The following TRPM3 variants were observed in gnomAD, a reference collection of about 807,000 sequenced individuals.
TRPM3 encodes long transient receptor potential channel 3.
A neutral mutation model predicts 181.2 loss-of-function variants in TRPM3; 77 were observed. That is an observed-to-expected ratio of 0.42 (90% CI 0.35 to 0.51). TRPM3 has a LOEUF of 0.51. TRPM3 is among the 20% of genes least tolerant of loss of function. The pLI is 0.01. For missense variants in TRPM3, 1,759 were observed against 2,196.7 expected (o/e 0.80, Z 3.98); for synonymous variants, 745 against 796.4 (o/e 0.94, Z 1.09).
chr9:71,137,025 G>C lies in TRPM3; in HGVS notation c.184-272514C>G, dbSNP rs910629631. 2.6e-5 allele frequency among the ~76,000 whole-genome samples: 4 copies of C among 152,154 alleles called. No individual in the cohort carries two copies. In the South Asian group the frequency reaches 8.3e-4, roughly 32 times the overall value. ...TTAAAATGACTCTAGCATCTGTGTAGAAAATGGACTGAACCAAGACTAGTA... is the reference window on the plus strand; with the variant it reads ...TTAAAATGACTCTAGCATCTGTGTACAAAATGGACTGAACCAAGACTAGTA... On this transcript the variant is annotated intron_variant, in intron 1 of 24. Transcript: ENST00000357533.
At chr9:71,180,148 G>A (rs569313485) in intron 1 of TRPM3, among the ~76,000 whole-genome samples, 146 of 142,184 alleles carry the variant, frequency 1.0e-3, no homozygotes, top group African/African-American at 3.5e-3. Context: ...TCCACATCCC[G>A]GGTTCAAGTG....
intron 9 of TRPM3, among the ~76,000 whole-genome samples, chr9:70,660,610 G>C (rs908513558): frequency 1.3e-5 from 2 of 152,018 alleles, no homozygotes; most frequent in South Asian, 4.1e-4. Flanking sequence ...TTCTAAATTA[G>C]CTGAGACCTG....
At chr9:71,087,599 T>A (rs1332457112) in intron 1 of TRPM3, among the ~76,000 whole-genome samples, 1 of 152,058 alleles carries the variant, frequency 6.6e-6, no homozygotes, top group Non-Finnish European at 1.5e-5. Flanking sequence ...GGGCCCTCAA[T>A]ATATTTGTAC....
At chr9:71,277,215 C>T (rs2084283417) in intron 1 of TRPM3, among the ~76,000 whole-genome samples, 1 of 152,136 alleles carries the variant, frequency 6.6e-6, no homozygotes, top group South Asian at 2.1e-4. Context: ...AAGGCCTGCA[C>T]AGAAAGGAAG....
intron 9 of TRPM3, among the ~76,000 whole-genome samples, chr9:70,672,753 C>T (rs1477908554): frequency 6.6e-6 from 1 of 151,864 alleles, no homozygotes; most frequent in Non-Finnish European, 1.5e-5. Flanking sequence ...CAGGGTGGTA[C>T]TCGTGTCTGA....
chr9:71,388,544 G>A (rs1213681643), intron 1 of TRPM3, among the ~76,000 whole-genome samples: 2 of 152,080 alleles, frequency 1.3e-5, no homozygotes, highest in Non-Finnish European at 2.9e-5. Flanking sequence ...TAAGAAAAAT[G>A]TAAGTCATCA....
At chr9:71,389,923 C>T (rs535226086) in intron 1 of TRPM3, among the ~76,000 whole-genome samples, 34 of 152,100 alleles carry the variant, frequency 2.2e-4, no homozygotes, top group Non-Finnish European at 3.2e-4. Flanking sequence ...AAAACTTGCT[C>T]ATGTAGCCAA....
At chr9:71,234,169 T>C (rs182388492) in intron 1 of TRPM3, among the ~76,000 whole-genome samples, 315 of 152,266 alleles carry the variant, frequency 2.1e-3, no homozygotes, top group Admixed American at 4.1e-3. Context: ...CTCAGTTCCT[T>C]GCCATGCAAC....
At chr9:70,565,427 G>A (rs183009420) in intron 22 of TRPM3, among the ~76,000 whole-genome samples, 1 of 152,172 alleles carries the variant, frequency 6.6e-6, no homozygotes, top group East Asian at 1.9e-4. Flanking sequence ...CCAAGTAGCT[G>A]GGATTACAGG....
chr9:70,921,942 A>AACAAACAC (rs1554770508), intron 1 of TRPM3, among the ~76,000 whole-genome samples: 2 of 139,394 alleles, frequency 1.4e-5, no homozygotes, highest in African/African-American at 2.7e-5. Flanking sequence ...CACACAAACA[A>AACAAACAC]ACACACACAC....
At chr9:71,418,314 G>T (rs898328777) in intron 1 of TRPM3, among the ~76,000 whole-genome samples, 1 of 151,856 alleles carries the variant, frequency 6.6e-6, no homozygotes, top group Non-Finnish European at 1.5e-5. Flanking sequence ...GGAGGTTCAA[G>T]AACCTGGAAA....
intron 1 of TRPM3, among the ~76,000 whole-genome samples, chr9:70,942,129 C>G (rs534990590): frequency 1.2e-4 from 18 of 152,130 alleles, no homozygotes; most frequent in Non-Finnish European, 1.5e-5. Context: ...AATTGGCCAC[C>G]TTTCAACTGA....
intron 1 of TRPM3, among the ~76,000 whole-genome samples, chr9:71,037,972 T>G (rs963083600): frequency 6.6e-6 from 1 of 152,214 alleles, no homozygotes; most frequent in African/African-American, 2.4e-5. Context: ...TATATACTTT[T>G]ATTTTCTTCT....
At chr9:71,246,409 C>T (rs2082035882) in intron 1 of TRPM3, among the ~76,000 whole-genome samples, 1 of 152,192 alleles carries the variant, frequency 6.6e-6, no homozygotes, top group South Asian at 2.1e-4. Flanking sequence ...GACCATTTTA[C>T]ACAAACTCAA....
At chr9:71,354,674 T>G (rs575603368) in intron 1 of TRPM3, among the ~76,000 whole-genome samples, 3 of 152,374 alleles carry the variant, frequency 2.0e-5, no homozygotes, top group Admixed American at 2.0e-4. Context: ...TTCTTAAATC[T>G]TGAGACATCC....
chr9:70,616,181 CGT>C (rs137890756), intron 17 of TRPM3, 106 bp from the exon 18 acceptor site: 444 of 803,980 alleles, frequency 5.5e-4, no homozygotes, highest in Middle Eastern at 1.1e-3. Context: ...AGAGTGTATG[CGT>C]GTGTGTGTGT....
intron 1 of TRPM3, among the ~76,000 whole-genome samples, chr9:71,046,494 A>T (rs2059455313): frequency 6.6e-6 from 1 of 152,186 alleles, no homozygotes; most frequent in Admixed American, 6.5e-5. Context: ...GTATCAAGGG[A>T]AAGGGCACTT....
chr9:71,124,165 A>G (rs998454905), upstream of TRPM3, among the ~76,000 whole-genome samples: 7 of 152,158 alleles, frequency 4.6e-5, no homozygotes, highest in Admixed American at 1.3e-4. Flanking sequence ...TTTTTCTTCC[A>G]TCACTGGGGA....
intron 1 of TRPM3, among the ~76,000 whole-genome samples, chr9:71,261,272 T>G (rs559060859): frequency 1.3e-3 from 201 of 152,324 alleles, no homozygotes; most frequent in Non-Finnish European, 2.3e-3. Flanking sequence ...ATCTCTGATA[T>G]CCTTTCTTCC....
Sources: gnomAD v4.1 joint callset for allele counts (sites outside exome capture counted in the v4.1 genomes callset) on GRCh38, gnomAD v4.1.1 for gene constraint, MANE v1.5 for transcripts, NCBI Gene and HGNC (gene_info 2026-07-23, HGNC 2026-07-21) for gene names.